Variants in RSPH1 observed in about 807,000 individuals in gnomAD.
The protein encoded by RSPH1 is radial spoke head 1 homolog.
RSPH1 carries 32 observed loss-of-function variants against 44.2 expected under a neutral mutation model. The observed-to-expected ratio is 0.72, with a 90% CI of 0.55 to 0.97. RSPH1 has a LOEUF of 0.97. Among genes scored for constraint, RSPH1 ranks in the 50% least tolerant of loss-of-function variants. The probability of loss-of-function intolerance (pLI) is 0.00; values close to 1 mark genes in which losing one functional copy is unlikely to be tolerated. For synonymous variants in RSPH1, 134 were observed against 147.3 expected (o/e 0.91, Z 0.65); for missense variants, 391 against 398.7 (o/e 0.98, Z 0.16).
chr21:42,488,892 A>G (rs115781217), intron 3 of RSPH1, among the ~76,000 whole-genome samples: 1 of 152,058 alleles, frequency 6.6e-6, no homozygotes, highest in Non-Finnish European at 1.5e-5. Flanking sequence ...TTTTTTTTTT[A>G]AAGTCTTTCT....
rs533829572 is a variant in RSPH1, at chr21:42,474,057, C to T, written c.878-1187G>A. Among the ~76,000 whole-genome samples the T allele has an allele frequency of 1.3e-5, 2 of 152,334 alleles. No homozygotes were observed. The highest frequency in any genetic ancestry group is 6.5e-5 in the Admixed American group (1 of 15,310). ...AGGATTCCTCCTGCTCCATCCCCTC[C>T]GTTATCTCCCCCACCAAGTTTCTGG... On this transcript the variant is annotated intron_variant, in intron 8 of 8. Transcript: ENST00000291536. The surrounding 1 kb of genome is among the most constrained non-coding windows in gnomAD (Gnocchi z 5.2).
At chr21:42,494,276 G>A (rs1464656842) in intron 1 of RSPH1, among the ~76,000 whole-genome samples, 1 of 152,054 alleles carries the variant, frequency 6.6e-6, no homozygotes, top group Non-Finnish European at 1.5e-5. Flanking sequence ...TTAAAATTAA[G>A]AAATTGAATT....
In RSPH1 at chr21:42,486,367, G is replaced by C. The variant is rs201479872; in HGVS notation, c.365+4C>G. Reference sequence around the variant, plus strand: ...CCCGTTAAGACCCAAGATAGAAACCGAACCTTTGATGAGCAAACCACTCTC... The same window carrying C: ...CCCGTTAAGACCCAAGATAGAAACCCAACCTTTGATGAGCAAACCACTCTC... On this transcript the variant is annotated splice_donor_region_variant and intron_variant, in intron 4 of 8. Coordinates refer to ENST00000291536, the MANE Select transcript of RSPH1 (RefSeq NM_080860.4). The C allele has an allele frequency of 6.2e-7, 1 of 1,606,528 alleles. No homozygotes were observed. Among genetic ancestry groups the C allele is most frequent in the Non-Finnish European group, 8.5e-7 (1 of 1,173,222 alleles).
chr21:42,477,546 G>T, intron 6 of RSPH1, 102 bp from the exon 7 acceptor site: 1 of 1,295,174 alleles, frequency 7.7e-7, no homozygotes, highest in Non-Finnish European at 1.1e-6. Context: ...GACAGGTTTT[G>T]GCTTGTGTTT....
At chr21:42,473,266 G>A (rs1280657451) in intron 8 of RSPH1, among the ~76,000 whole-genome samples, 3 of 152,142 alleles carry the variant, frequency 2.0e-5, no homozygotes, top group Non-Finnish European at 4.4e-5. Context: ...CAAGGCAGGC[G>A]GATCACTTGA....
chr21:42,493,190 C>T (rs2054254112), intron 1 of RSPH1, 111 bp from the exon 2 acceptor site: 9 of 862,972 alleles, frequency 1.0e-5, no homozygotes, highest in South Asian at 7.9e-5. Context: ...GCTAAACCCC[C>T]GGCACTATAC....
At chr21:42,486,936 T>C (rs944366000) in intron 3 of RSPH1, among the ~76,000 whole-genome samples, 1 of 152,210 alleles carries the variant, frequency 6.6e-6, no homozygotes, top group African/African-American at 2.4e-5. Flanking sequence ...TTGCAAATGT[T>C]TAGAGATCCA....
chr21:42,476,035 G>C lies in RSPH1; in HGVS notation c.740C>G (p.Pro247Arg). Reference sequence around the variant, plus strand: ...CAGCAGAGCCTGGGCCTCCTCCCCGGGTTCTCCTGCACCTGAGATAAAACA... The same window carrying C: ...CAGCAGAGCCTGGGCCTCCTCCCCGCGTTCTCCTGCACCTGAGATAAAACA... ...DAPGAESAGE[P>R]GEEAQALLEG... The change falls in exon 8 of 9, where the codon CCC (proline) becomes CGC (arginine). Residue 247 changes from proline to arginine, a missense_variant. Physicochemically the swap from Pro to Arg is moderately radical, Grantham distance 103. Coordinates refer to ENST00000291536, the MANE Select transcript of RSPH1 (RefSeq NM_080860.4). The C allele has an allele frequency of 1.2e-6, 2 of 1,613,556 alleles. No homozygotes were observed. The highest frequency in any genetic ancestry group is 1.7e-6 in the Non-Finnish European group (2 of 1,179,890).
At chr21:42,481,803 C>T (rs1432189148) in intron 6 of RSPH1, among the ~76,000 whole-genome samples, 1 of 152,224 alleles carries the variant, frequency 6.6e-6, no homozygotes, top group Non-Finnish European at 1.5e-5. Flanking sequence ...CCTCAACACA[C>T]ATACGCATCT....
chr21:42,492,704 TAAAG>T lies in RSPH1; in HGVS notation c.274+50_274+53del, dbSNP rs2054247756. The T allele has an allele frequency of 4.8e-6, 5 of 1,044,260 alleles. No homozygotes were observed. The South Asian group carries it at 6.7e-5, about 14-fold the overall frequency. The allele number at this position is 1,044,260 out of a possible 1,614,324, so 64.7% of individuals were successfully genotyped here. On this transcript the variant is annotated intron_variant, in intron 3 of 8. Coordinates refer to ENST00000291536, the MANE Select transcript of RSPH1 (RefSeq NM_080860.4). Reference sequence around the variant, plus strand: ...CAGTATTCACAGACAAGTTCAGTCATAAAGAAAGAAAAACTTCTGTAACACGAAA... The same window carrying T: ...CAGTATTCACAGACAAGTTCAGTCATAAAGAAAAACTTCTGTAACACGAAA...
chr21:42,489,565 A>G (rs62215899), intron 3 of RSPH1, among the ~76,000 whole-genome samples: 9,494 of 152,308 alleles, frequency 0.062, 419 homozygotes, highest in Non-Finnish European at 0.093. Context: ...ATGCTGGCCC[A>G]TGGTCTTGCC....
At position 42,492,979 on chromosome 21, in the gene RSPH1, T is replaced by C; in HGVS notation, c.155A>G (p.Lys52Arg). 1 of 1,614,202 alleles carries C rather than the reference T, an allele frequency of 6.2e-7. No homozygotes were observed. The highest frequency in any genetic ancestry group is 8.5e-7 in the Non-Finnish European group (1 of 1,180,012). ...AACGGTTCTGACCTGGCCATGTCTT[T>C]TACCGAATTCGTAGCTCCCTTCGTA... ...DTYEGSYEFG[K>R]RHGQGIYKFK... The change falls in exon 2 of 9, where the codon AAA (lysine) becomes AGA (arginine). Residue 52 changes from lysine (K) to arginine (R), a missense_variant. By Grantham distance (26) the Lys-to-Arg change is conservative. Coordinates refer to ENST00000291536, the MANE Select transcript of RSPH1 (RefSeq NM_080860.4).
intron 7 of RSPH1, 80 bp from the exon 8 acceptor site, chr21:42,476,127 G>C (rs2054046713): frequency 7.0e-7 from 1 of 1,434,820 alleles, no homozygotes. Context: ...GCTGTCCCCT[G>C]GGCTGCCGTG....
At chr21:42,492,171 A>T (rs1601636940) in intron 3 of RSPH1, among the ~76,000 whole-genome samples, 1 of 152,256 alleles carries the variant, frequency 6.6e-6, no homozygotes, top group Non-Finnish European at 1.5e-5. Context: ...GATATCACTA[A>T]TGTGGTCACA....
chr21:42,492,794 C>G lies in RSPH1; in HGVS notation c.238G>C (p.Gly80Arg), dbSNP rs533431661. 2 of 1,612,894 alleles carry G rather than the reference C, an allele frequency of 1.2e-6. No individual in the cohort carries two copies. The highest frequency in any genetic ancestry group is 2.2e-5 in the East Asian group (1 of 44,874). The change falls in exon 3 of 9, where the codon GGC becomes CGC. Residue 80 changes from glycine to arginine, a missense_variant. Transcript: ENST00000291536. ...EYVRNKKHGQ[G>R]TFIYPDGSRY... ...GATCCATCTGGATATATAAAAGTGC[C>G]TTGACCGTGCTTTTTATTTCTAACA... is the stretch of plus-strand genomic sequence containing the variant.
At chr21:42,490,189 C>T (rs1367343738) in intron 3 of RSPH1, among the ~76,000 whole-genome samples, 1 of 151,960 alleles carries the variant, frequency 6.6e-6, no homozygotes, top group African/African-American at 2.4e-5. Context: ...TCACCCGCCA[C>T]CCAGGACCGT....
rs780743379 is a variant in RSPH1 at position 42,482,631 on chromosome 21, A to C, written c.573+6T>G. The C allele has an allele frequency of 1.2e-6, 2 of 1,606,392 alleles. No homozygotes were observed. Among genetic ancestry groups the C allele is most frequent in the Non-Finnish European group, 1.7e-6 (2 of 1,174,210 alleles). On this transcript the variant is annotated splice_donor_region_variant and intron_variant, in intron 6 of 8. Coordinates refer to ENST00000291536, the MANE Select transcript of RSPH1 (RefSeq NM_080860.4). ...GTAACAAAACCCTACATGCTCCGCA[A>C]CTTACCATATCTGTTAAACGATATT...
At chr21:42,490,005 G>C (rs2054220441) in intron 3 of RSPH1, among the ~76,000 whole-genome samples, 1 of 152,120 alleles carries the variant, frequency 6.6e-6, no homozygotes, top group Non-Finnish European at 1.5e-5. Flanking sequence ...GGCCAGCAGG[G>C]AATAGGGATG....
At chr21:42,475,789 G>A in intron 8 of RSPH1, 109 bp downstream of exon 8, 1 of 1,297,364 alleles carries the variant, frequency 7.7e-7, no homozygotes, top group Non-Finnish European at 1.1e-6. Flanking sequence ...CCTTCCTCGA[G>A]TCCCTGGGGC....
Sources: gnomAD v4.1 joint callset for allele counts (sites outside exome capture counted in the v4.1 genomes callset) on GRCh38, gnomAD v4.1.1 for gene constraint, Gnocchi (gnomAD v3.1) non-coding constraint, MANE v1.5 for transcripts, NCBI Gene and HGNC (gene_info 2026-07-23, HGNC 2026-07-21) for gene names.